Variants in KHDRBS2 observed in about 807,000 individuals in gnomAD.
KHDRBS2 encodes the protein KH RNA binding domain containing, signal transduction associated 2, also known as KH domain-containing, RNA-binding, signal transduction-associated protein 2.
In KHDRBS2, 26 loss-of-function variants were observed where a neutral mutation model predicts 44.3. The observed-to-expected ratio is 0.59, with a 90% CI of 0.43 to 0.81. The LOEUF is 0.81. KHDRBS2 is among the 40% of genes least tolerant of loss of function. The probability of loss-of-function intolerance (pLI) is 0.00; values close to 1 mark genes in which losing one functional copy is unlikely to be tolerated. For missense variants in KHDRBS2, 476 were observed against 433.1 expected, an observed-to-expected ratio of 1.10 and a Z score of -0.88; for synonymous variants, 194 against 151.1, an observed-to-expected ratio of 1.28 and a Z score of -2.08.
chr6:61,873,785 CTTCTT>C lies in KHDRBS2; in HGVS notation c.810+20845_810+20849del, dbSNP rs1260510703. Among the ~76,000 whole-genome samples the C allele has an allele frequency of 1.2e-4, 18 of 152,044 alleles. No individual in the cohort carries two copies. The East Asian group carries it at 2.1e-3, about 18-fold the overall frequency. ...CTTAAAATATGCATAGTATGAGTCT[CTTCTT>C]TTTAAAGTTTAGAAAGAAATAAACT... On this transcript the variant is annotated intron_variant, in intron 6 of 8. Coordinates refer to ENST00000281156, the MANE Select transcript of KHDRBS2 (RefSeq NM_152688.4).
the KHDRBS2 span, among the ~76,000 whole-genome samples, chr6:61,629,221 T>C: frequency 0.024 from 3,717 of 152,194 alleles, 69 homozygotes; most frequent in Middle Eastern, 0.088. Context: ...ACCCAGATAA[T>C]AAAGGTTCAC....
At chr6:61,728,645 T>G (rs968782378) in intron 7 of KHDRBS2, among the ~76,000 whole-genome samples, 1 of 152,162 alleles carries the variant, frequency 6.6e-6, no homozygotes, top group African/African-American at 2.4e-5. Flanking sequence ...ATAGATGTTC[T>G]TATGTGCTGG....
chr6:61,555,361 A>C, the KHDRBS2 span, among the ~76,000 whole-genome samples: 1 of 151,996 alleles, frequency 6.6e-6, no homozygotes, highest in African/African-American at 2.4e-5. Context: ...TTGTCAGTTC[A>C]GTTTGTTTTT....
At chr6:62,165,103 T>A (rs1455317282) in intron 2 of KHDRBS2, among the ~76,000 whole-genome samples, 1 of 151,774 alleles carries the variant, frequency 6.6e-6, no homozygotes, top group East Asian at 1.9e-4. Context: ...TGACTTTCCT[T>A]GTGCAGAAGT....
chr6:61,999,978 T>C lies in KHDRBS2; in HGVS notation c.337-21766A>G, dbSNP rs529970284. Reference sequence around the variant, plus strand: ...TATAATAGCAAAACAAAAACTATTATACTGTATTCTCATCTTAAGATCCTT... The same window carrying C: ...TATAATAGCAAAACAAAAACTATTACACTGTATTCTCATCTTAAGATCCTT... On this transcript the variant is annotated intron_variant, in intron 3 of 8. Coordinates refer to ENST00000281156, the MANE Select transcript of KHDRBS2 (RefSeq NM_152688.4). Among the ~76,000 whole-genome samples, 7 of 152,326 alleles carry C rather than the reference T, an allele frequency of 4.6e-5. No homozygotes were observed. The South Asian group carries it at 1.0e-3, about 23-fold the overall frequency.
At chr6:61,665,401 C>A in the KHDRBS2 span, among the ~76,000 whole-genome samples, 1 of 151,280 alleles carries the variant, frequency 6.6e-6, no homozygotes, top group Non-Finnish European at 1.5e-5. Context: ...TGCTTGCATT[C>A]TCAGAAAAAC....
chr6:61,708,575 A>G (rs1352970631), intron 7 of KHDRBS2, among the ~76,000 whole-genome samples: 1 of 151,576 alleles, frequency 6.6e-6, no homozygotes, highest in Admixed American at 6.6e-5. Context: ...TACTTATTCA[A>G]TGCATTCAAT....
chr6:62,132,308 T>C (rs948666138), intron 2 of KHDRBS2, among the ~76,000 whole-genome samples: 1 of 152,176 alleles, frequency 6.6e-6, no homozygotes, highest in Non-Finnish European at 1.5e-5. Context: ...ACACCACTTG[T>C]TTTTTCATCA....
intron 6 of KHDRBS2, among the ~76,000 whole-genome samples, chr6:61,788,625 A>G (rs1383235663): frequency 6.6e-6 from 1 of 151,236 alleles, no homozygotes; most frequent in Non-Finnish European, 1.5e-5. Flanking sequence ...ATTAAGTAAA[A>G]CTCTATTACA....
chr6:62,195,432 C>T (rs1825478109), intron 1 of KHDRBS2, among the ~76,000 whole-genome samples: 1 of 152,030 alleles, frequency 6.6e-6, no homozygotes, highest in Non-Finnish European at 1.5e-5. Flanking sequence ...CATTTTTCTT[C>T]CATATCAGCA....
At chr6:61,850,492 G>A (rs1422901805) in intron 6 of KHDRBS2, among the ~76,000 whole-genome samples, 1 of 152,154 alleles carries the variant, frequency 6.6e-6, no homozygotes, top group African/African-American at 2.4e-5. Flanking sequence ...TAAGGCTACT[G>A]CTGATATTTC....
chr6:61,607,520 C>CAA, the KHDRBS2 span, among the ~76,000 whole-genome samples: 371 of 41,038 alleles, frequency 9.0e-3, 60 homozygotes, highest in African/African-American at 0.029. Flanking sequence ...GAGTTCCAAG[C>CAA]AAAAAAAAAA....
At chr6:62,145,734 A>T (rs1336977473) in intron 2 of KHDRBS2, among the ~76,000 whole-genome samples, 1 of 151,920 alleles carries the variant, frequency 6.6e-6, no homozygotes, top group African/African-American at 2.4e-5. Flanking sequence ...GCATCTGTGA[A>T]TCTGAAAATC....
intron 2 of KHDRBS2, among the ~76,000 whole-genome samples, chr6:62,059,745 A>G (rs549915227): frequency 6.6e-6 from 1 of 151,938 alleles, no homozygotes; most frequent in African/African-American, 2.4e-5. Flanking sequence ...AATTTTCTAT[A>G]CAGGGGTAGT....
the KHDRBS2 span, chr6:61,574,279 C>T: frequency 2.0e-5 from 26 of 1,325,874 alleles, no homozygotes; most frequent in East Asian, 4.3e-4. Context: ...GTACCCTAAC[C>T]GTGCAAAGGT....
At position 61,697,108 on chromosome 6, in the gene KHDRBS2, A is replaced by G. The variant is rs1197327159; in HGVS notation, c.952+87T>C. On this transcript the variant is annotated intron_variant, in intron 8 of 8. Transcript: ENST00000281156. ...TTTAGTCTAGACTTCTGGAAAAACT[A>G]GGGGGAGAAAGATGGAAATAATGTT... 3 of 918,030 alleles carry G rather than the reference A, an allele frequency of 3.3e-6. No individual in the cohort carries two copies. The African/African-American group carries it at 4.9e-5, about 15-fold the overall frequency. 56.9% of individuals were successfully genotyped at this position (918,030 alleles called of 1,614,324 possible).
At chr6:61,774,366 G>A (rs1781566347) in intron 6 of KHDRBS2, among the ~76,000 whole-genome samples, 1 of 150,478 alleles carries the variant, frequency 6.6e-6, no homozygotes, top group Admixed American at 6.6e-5. Flanking sequence ...GTCCCTGTTT[G>A]CCGATGACAT....
intron 4 of KHDRBS2, among the ~76,000 whole-genome samples, chr6:61,934,322 TTTTTGCTTTTATTGC>T (rs1810641325): frequency 6.6e-6 from 1 of 152,188 alleles, no homozygotes; most frequent in Non-Finnish European, 1.5e-5. Flanking sequence ...CATTCGTCTG[TTTTTGCTTTTATTGC>T]TTGTGCTTTT....
the KHDRBS2 span, among the ~76,000 whole-genome samples, chr6:61,674,259 T>C: frequency 6.6e-6 from 1 of 151,794 alleles, no homozygotes; most frequent in African/African-American, 2.4e-5. Flanking sequence ...TGTTTTGTCA[T>C]ATCATTTTTT....
Sources: gnomAD v4.1 joint callset for allele counts (sites outside exome capture counted in the v4.1 genomes callset) on GRCh38, gnomAD v4.1.1 for gene constraint, MANE v1.5 for transcripts, NCBI Gene and HGNC (gene_info 2026-07-23, HGNC 2026-07-21) for gene names.